The following PAM variants were observed in gnomAD, a reference collection of about 807,000 sequenced individuals.
PAM encodes the protein peptidyl-glycine alpha-amidating monooxygenase.
In PAM, 72 loss-of-function variants were observed where a neutral mutation model predicts 122.1. The ratio of observed to expected loss-of-function variants is 0.59; its 90% CI spans 0.49 to 0.72. PAM has a LOEUF of 0.72. PAM is among the 30% of genes least tolerant of loss of function. The pLI, the probability that PAM is intolerant of heterozygous loss-of-function variation, is 0.00. For synonymous variants in PAM, 389 were observed against 404.4 expected (o/e 0.96, Z 0.46); for missense variants, 1,106 against 1,183.7 (o/e 0.93, Z 0.96).
chr5:102,782,489 C>T (rs1447795516), intron 1 of PAM, among the ~76,000 whole-genome samples: 2 of 152,082 alleles, frequency 1.3e-5, no homozygotes, highest in Non-Finnish European at 2.9e-5. Context: ...AAACTTGGCT[C>T]TTGTTTTAGA....
intron 2 of PAM, 86 bp downstream of exon 2, chr5:102,866,370 CG>C: frequency 5.9e-6 from 5 of 840,886 alleles, no homozygotes; most frequent in Non-Finnish European, 8.0e-6. Flanking sequence ...GCAAAATAGA[CG>C]GGGTTGATGT....
chr5:102,931,748 T>G (rs528513489), intron 7 of PAM, among the ~76,000 whole-genome samples: 179 of 152,232 alleles, frequency 1.2e-3, no homozygotes, highest in Middle Eastern at 3.4e-3. Flanking sequence ...CCACTTACTG[T>G]CATTAAGCTC....
chr5:102,756,244 G>A (rs1022615803), intron 1 of PAM, among the ~76,000 whole-genome samples: 2 of 152,180 alleles, frequency 1.3e-5, no homozygotes, highest in African/African-American at 4.8e-5. Flanking sequence ...CTTTGGCTGA[G>A]ATGTGATTAT....
intron 3 of PAM, among the ~76,000 whole-genome samples, chr5:102,872,063 A>G (rs894432339): frequency 1.3e-5 from 2 of 152,130 alleles, no homozygotes; most frequent in Non-Finnish European, 2.9e-5. Context: ...TCATTAGTGT[A>G]ATCATTTTCC....
chr5:102,980,638 C>T (rs1312732736), intron 15 of PAM, among the ~76,000 whole-genome samples: 1 of 152,090 alleles, frequency 6.6e-6, no homozygotes, highest in Non-Finnish European at 1.5e-5. Context: ...TATTCTTGAT[C>T]ATTTCATCGT....
chr5:102,927,921 T>C (rs1470745822), intron 7 of PAM, among the ~76,000 whole-genome samples: 1 of 152,126 alleles, frequency 6.6e-6, no homozygotes, highest in Non-Finnish European at 1.5e-5. Flanking sequence ...TAACTCTCTA[T>C]AGTGCTGAGA....
chr5:102,997,970 GC>G (rs1272086288), intron 16 of PAM, among the ~76,000 whole-genome samples: 2 of 152,186 alleles, frequency 1.3e-5, no homozygotes, highest in Non-Finnish European at 2.9e-5. Context: ...TGGAAGCCAA[GC>G]CCAGCATTTC....
intron 1 of PAM, among the ~76,000 whole-genome samples, chr5:102,854,537 G>A (rs1042235663): frequency 2.6e-5 from 4 of 152,152 alleles, no homozygotes; most frequent in African/African-American, 7.2e-5. Context: ...TCACTTCCTT[G>A]ATACTCCTGG....
chr5:103,011,879 CA>C (rs1780737326), intron 21 of PAM, among the ~76,000 whole-genome samples: 1 of 152,206 alleles, frequency 6.6e-6, no homozygotes, highest in Non-Finnish European at 1.5e-5. Context: ...TTCCCACCAA[CA>C]GTATACAAGG....
intron 1 of PAM, among the ~76,000 whole-genome samples, chr5:102,834,236 CCTT>C (rs1776282094): frequency 6.6e-6 from 1 of 152,060 alleles, no homozygotes; most frequent in Non-Finnish European, 1.5e-5. Flanking sequence ...AATCTTTCCC[CCTT>C]CTTTTTAGAA....
At chr5:102,961,536 C>G (rs1254007379) in intron 14 of PAM, among the ~76,000 whole-genome samples, 1 of 151,812 alleles carries the variant, frequency 6.6e-6, no homozygotes, top group Admixed American at 6.6e-5. Context: ...AACCATCAGG[C>G]TGCTTTTGAA....
chr5:102,944,173 A>T (rs184726602), intron 7 of PAM, among the ~76,000 whole-genome samples: 1 of 152,304 alleles, frequency 6.6e-6, no homozygotes, highest in East Asian at 1.9e-4. Context: ...TGACATAATG[A>T]AATATCCCTC....
At chr5:102,794,940 A>G (rs914784251) in intron 1 of PAM, among the ~76,000 whole-genome samples, 3 of 144,434 alleles carry the variant, frequency 2.1e-5, no homozygotes, top group South Asian at 4.4e-4. Context: ...CTGTAATCCT[A>G]GCACTCTGGC....
intron 1 of PAM, among the ~76,000 whole-genome samples, chr5:102,765,872 C>T (rs1753769871): frequency 1.3e-5 from 2 of 152,134 alleles, no homozygotes; most frequent in South Asian, 2.1e-4. Context: ...TTATGGTCTA[C>T]CCTAATGACC....
intron 1 of PAM, among the ~76,000 whole-genome samples, chr5:102,798,170 T>C (rs534302241): frequency 6.6e-6 from 1 of 152,256 alleles, no homozygotes; most frequent in East Asian, 1.9e-4. Flanking sequence ...ACACTCAAAT[T>C]TGAACTCAGT....
intron 1 of PAM, among the ~76,000 whole-genome samples, chr5:102,805,482 A>G (rs1765978964): frequency 6.6e-6 from 1 of 152,094 alleles, no homozygotes; most frequent in Admixed American, 6.5e-5. Flanking sequence ...TTCTGAATAA[A>G]AGAAGGTGTA....
chr5:102,804,993 T>G (rs1765811566), intron 1 of PAM, among the ~76,000 whole-genome samples: 2 of 152,158 alleles, frequency 1.3e-5, no homozygotes, highest in African/African-American at 4.8e-5. Context: ...TATAATACTT[T>G]TGAAAACTGA....
intron 16 of PAM, among the ~76,000 whole-genome samples, chr5:102,991,451 TCATA>T (rs1363058837): frequency 6.6e-6 from 1 of 152,168 alleles, no homozygotes; most frequent in African/African-American, 2.4e-5. Context: ...TCTTCTCTTT[TCATA>T]CATATAACTA....
chr5:102,850,298 C>A (rs1248833962), intron 1 of PAM, among the ~76,000 whole-genome samples: 1 of 152,142 alleles, frequency 6.6e-6, no homozygotes, highest in African/African-American at 2.4e-5. Flanking sequence ...TAGAAGTAAG[C>A]ATGGATGAAG....
Sources: allele counts gnomAD v4.1 joint callset (sites outside exome capture counted in the v4.1 genomes callset), GRCh38; gene constraint gnomAD v4.1.1; transcripts MANE v1.5; gene names NCBI Gene and HGNC (gene_info 2026-07-23, HGNC 2026-07-21).